The following IQCM variants were observed in gnomAD, a reference collection of about 807,000 sequenced individuals.
IQCM encodes IQ motif containing M, also known as IQ domain-containing protein M.
A neutral mutation model predicts 57.6 loss-of-function variants in IQCM; 45 were observed. The ratio of observed to expected loss-of-function variants is 0.78; its 90% CI spans 0.62 to 1.00. The LOEUF is 1.00. Among genes scored for constraint, IQCM ranks in the 50% least tolerant of loss-of-function variants. The pLI, the probability that IQCM is intolerant of heterozygous loss-of-function variation, is 0.00. For synonymous variants in IQCM, 148 were observed against 158.9 expected, an observed-to-expected ratio of 0.93 and a Z score of 0.51; for missense variants, 468 against 511.6, an observed-to-expected ratio of 0.91 and a Z score of 0.82.
chr4:149,415,120 T>G (rs1486977377), intron 13 of IQCM, among the ~76,000 whole-genome samples: 1 of 152,206 alleles, frequency 6.6e-6, no homozygotes, highest in Non-Finnish European at 1.5e-5. Context: ...ATGGATACTT[T>G]GATTAAAATG....
At chr4:149,401,165 C>T (rs557519831) in intron 13 of IQCM, among the ~76,000 whole-genome samples, 1 of 151,546 alleles carries the variant, frequency 6.6e-6, no homozygotes, top group South Asian at 2.1e-4. Context: ...GATGTAAGTC[C>T]CCCCAAAAAG....
At chr4:149,434,678 C>T (rs1308983267) in intron 12 of IQCM, among the ~76,000 whole-genome samples, 1 of 152,138 alleles carries the variant, frequency 6.6e-6, no homozygotes, top group African/African-American at 2.4e-5. Context: ...CCTTTACTGT[C>T]CTGCTTGTGA....
At chr4:149,600,930 G>T in intron 8 of IQCM, among the ~76,000 whole-genome samples, 1 of 152,114 alleles carries the variant, frequency 6.6e-6, no homozygotes, top group East Asian at 1.9e-4. Context: ...ATTTGAGAAT[G>T]TATTTCTAAT....
chr4:149,711,798 A>C (rs564040178), intron 5 of IQCM, among the ~76,000 whole-genome samples: 1 of 152,342 alleles, frequency 6.6e-6, no homozygotes, highest in African/African-American at 2.4e-5. Flanking sequence ...AAACTTTGGC[A>C]GAAACTACCA....
chr4:149,620,120 A>C (rs1756198095), intron 8 of IQCM, among the ~76,000 whole-genome samples: 1 of 152,064 alleles, frequency 6.6e-6, no homozygotes, highest in African/African-American at 2.4e-5. Context: ...TCACACCATT[A>C]CACTCTAGCC....
intron 8 of IQCM, among the ~76,000 whole-genome samples, chr4:149,612,930 CAT>C (rs1404041986): frequency 2.9e-4 from 44 of 151,978 alleles, no homozygotes; most frequent in Non-Finnish European, 1.8e-4. Context: ...CAAAAAAAAT[CAT>C]AGTCACTTAC....
intron 8 of IQCM, among the ~76,000 whole-genome samples, chr4:149,618,983 C>G (rs1042426162): frequency 6.6e-6 from 1 of 151,712 alleles, no homozygotes. Context: ...GGGTATTTAC[C>G]CAAACAAATA....
intron 2 of IQCM, among the ~76,000 whole-genome samples, chr4:149,776,696 A>T (rs1045004682): frequency 6.6e-6 from 1 of 152,306 alleles, no homozygotes; most frequent in Non-Finnish European, 1.5e-5. Flanking sequence ...AAAAATAGTT[A>T]AAACAATTTT....
At chr4:149,604,084 A>C (rs188250992) in intron 8 of IQCM, among the ~76,000 whole-genome samples, 6 of 152,270 alleles carry the variant, frequency 3.9e-5, no homozygotes, top group African/African-American at 1.4e-4. Flanking sequence ...AAAACTTAAC[A>C]CCTGATTTTG....
chr4:149,738,484 A>G (rs1767148027), intron 3 of IQCM, among the ~76,000 whole-genome samples: 1 of 152,160 alleles, frequency 6.6e-6, no homozygotes, highest in Admixed American at 6.6e-5. Context: ...CCTGTCCACA[A>G]GTGCCACCCA....
chr4:149,631,124 C>T (rs142117048), intron 7 of IQCM, among the ~76,000 whole-genome samples: 180 of 152,270 alleles, frequency 1.2e-3, no homozygotes, highest in African/African-American at 4.2e-3. Flanking sequence ...ATCCTGGGTA[C>T]TAAGTTTTTA....
At chr4:149,606,202 C>T (rs1344876540) in intron 8 of IQCM, among the ~76,000 whole-genome samples, 1 of 152,140 alleles carries the variant, frequency 6.6e-6, no homozygotes, top group Non-Finnish European at 1.5e-5. Flanking sequence ...ATGGGAATAC[C>T]AGCATCACCC....
At chr4:149,792,373 C>T (rs1296502007) in intron 2 of IQCM, among the ~76,000 whole-genome samples, 1 of 152,030 alleles carries the variant, frequency 6.6e-6, no homozygotes, top group Non-Finnish European at 1.5e-5. Context: ...GCCTGGGCAA[C>T]ATAGTAAGAC....
At chr4:149,362,073 A>G (rs1373728087) in intron 13 of IQCM, among the ~76,000 whole-genome samples, 2 of 152,122 alleles carry the variant, frequency 1.3e-5, no homozygotes, top group Non-Finnish European at 1.5e-5. Flanking sequence ...GAGCTTTAAA[A>G]TTTGACTGCC....
intron 12 of IQCM, among the ~76,000 whole-genome samples, chr4:149,480,681 T>C (rs942667960): frequency 6.6e-6 from 1 of 152,188 alleles, no homozygotes; most frequent in Non-Finnish European, 1.5e-5. Flanking sequence ...CTTAGATTGC[T>C]TCCAAATTTT....
intron 12 of IQCM, among the ~76,000 whole-genome samples, chr4:149,461,986 A>T (rs1738346104): frequency 6.6e-6 from 1 of 152,112 alleles, no homozygotes; most frequent in African/African-American, 2.4e-5. Context: ...GGGGTCCCCT[A>T]TCCTATCCTA....
At chr4:149,432,768 G>C (rs1343865604) in intron 13 of IQCM, among the ~76,000 whole-genome samples, 1 of 151,782 alleles carries the variant, frequency 6.6e-6, no homozygotes, top group East Asian at 1.9e-4. Context: ...ATATCTAAAG[G>C]ATTCTCAAAA....
chr4:149,732,980 C>T (rs909567724), intron 5 of IQCM, among the ~76,000 whole-genome samples: 2 of 152,164 alleles, frequency 1.3e-5, no homozygotes, highest in African/African-American at 4.8e-5. Flanking sequence ...TGAGGATTTT[C>T]ACTAGGAAGA....
intron 7 of IQCM, among the ~76,000 whole-genome samples, chr4:149,655,094 T>G (rs942490012): frequency 6.6e-6 from 1 of 152,152 alleles, no homozygotes; most frequent in African/African-American, 2.4e-5. Context: ...TTAGGATATA[T>G]ACATGAATGA....
Sources: allele counts gnomAD v4.1 joint callset (sites outside exome capture counted in the v4.1 genomes callset), GRCh38; gene constraint gnomAD v4.1.1; transcripts MANE v1.5; gene names NCBI Gene and HGNC (gene_info 2026-07-23, HGNC 2026-07-21).